Variants in AGL observed in about 807,000 individuals in gnomAD.
The protein encoded by AGL is glycogen debranching enzyme.
A neutral mutation model predicts 199.3 loss-of-function variants in AGL; 128 were observed. The observed-to-expected ratio is 0.64, with a 90% CI of 0.56 to 0.74. AGL has a LOEUF of 0.74. Among genes scored for constraint, AGL ranks in the 30% least tolerant of loss-of-function variants. The pLI is 0.00. For synonymous variants in AGL, 584 were observed against 594.7 expected (o/e 0.98, Z 0.26); for missense variants, 1,809 against 1,820.8 (o/e 0.99, Z 0.12).
chr1:99,875,347 A>G lies in AGL; in HGVS notation c.1186-11A>G. ...GATGGTGATGATCTAACACAATTTA[A>G]TGTTTTTCAGGCAGTTAATTGCCTT... On this transcript the variant is annotated splice_polypyrimidine_tract_variant and intron_variant, in intron 9 of 33. Coordinates refer to ENST00000361915, the MANE Select transcript of AGL (RefSeq NM_000642.3). 2.5e-6 allele frequency: 4 copies of G among 1,614,026 alleles called. No individual in the cohort carries two copies. In the South Asian group the frequency reaches 4.4e-5, roughly 18 times the overall value.
At position 99,855,529 on chromosome 1, in the gene AGL, G is replaced by A. The variant is rs553311061; in HGVS notation, c.82+4405G>A. Among the ~76,000 whole-genome samples, 191 of 152,224 alleles carry A rather than the reference G, an allele frequency of 1.3e-3. 1 individual carries two copies. Among genetic ancestry groups the A allele is most frequent in the Non-Finnish European group, 2.0e-3 (138 of 68,010 alleles). On this transcript the variant is annotated intron_variant, in intron 2 of 33. Transcript: ENST00000361915. ...TAATGAATAAAATCAGGCCGAGCAC[G>A]GTGGCTTACTCCTGTAATCCCGGCA...
Position 99,916,610 on chromosome 1 carries a change from C to A in AGL, c.4360C>A (p.Pro1454Thr). 6.2e-7 allele frequency: 1 copy of A among 1,612,888 alleles called. No individual in the cohort carries two copies. The highest frequency in any genetic ancestry group is 1.1e-5 in the South Asian group (1 of 91,044). Residue 1454 changes from proline (P) to threonine (T), a missense_variant, in exon 33 of 34, where the codon CCT becomes ACT. Coordinates refer to ENST00000361915, the MANE Select transcript of AGL (RefSeq NM_000642.3). ...TAATCTTTTTTAGGAGTGGCTGTGG[C>A]CTATTGGGTATTTTCTTCGTGCAAA... ...NYHQGPEWLW[P>T]IGYFLRAKLY...
chr1:99,875,179 T>C lies in AGL; in HGVS notation c.1108T>C (p.Cys370Arg). 1 of 1,614,148 alleles carries C rather than the reference T, an allele frequency of 6.2e-7. No individual in the cohort carries two copies. Among genetic ancestry groups the C allele is most frequent in the Non-Finnish European group, 8.5e-7 (1 of 1,179,992 alleles). Residue 370 changes from cysteine to arginine, a missense_variant, in exon 9 of 34, where the codon TGC (cysteine) becomes CGC (arginine). By Grantham distance (180) the Cys-to-Arg change is radical. Transcript: ENST00000361915. ...CAAGGGGCCAGCAGCAATTGAAGAA[T>C]GCTGTAATTGGTTTCATAAAAGAAT... is the stretch of plus-strand genomic sequence containing the variant. Reference protein sequence around the residue: ...HDKGPAAIEECCNWFHKRMEE... With the variant: ...HDKGPAAIEERCNWFHKRMEE...
At chr1:99,865,142 A>G (rs978172378) in intron 5 of AGL, among the ~76,000 whole-genome samples, 1 of 152,116 alleles carries the variant, frequency 6.6e-6, no homozygotes, top group Non-Finnish European at 1.5e-5. Flanking sequence ...CTCAGTTATC[A>G]GATAAAAAAA....
rs200459772 is a variant in AGL, at chr1:99,875,398, T to G, written c.1226T>G (p.Leu409Arg). Reference sequence around the variant, plus strand: ...TTGGGAAATGTGTTTTATGAACGACTGGCTGGCCATGGTCCAAAACTAGGA... The same window carrying G: ...TTGGGAAATGTGTTTTATGAACGACGGGCTGGCCATGGTCCAAAACTAGGA... The part of the protein sequence containing the change: ...CLLGNVFYER[L>R]AGHGPKLGPV... Residue 409 changes from leucine (L) to arginine (R), a missense_variant, in exon 10 of 34, where the codon CTG becomes CGG. Coordinates refer to ENST00000361915, the MANE Select transcript of AGL (RefSeq NM_000642.3). 3.3e-4 allele frequency: 532 copies of G among 1,614,070 alleles called. 1 individual carries two copies. Among genetic ancestry groups the G allele is most frequent in the Non-Finnish European group, 4.1e-4 (487 of 1,180,030 alleles).
At chr1:99,861,191 G>A (rs1650003520) in intron 2 of AGL, 1 of 1,221,398 alleles carries the variant, frequency 8.2e-7, no homozygotes, top group Non-Finnish European at 1.0e-6. Flanking sequence ...TGAGGATGGG[G>A]GATCATGGTA....
In AGL at chr1:99,864,437, C is replaced by T. The variant is rs760243154; in HGVS notation, c.512C>T (p.Ser171Leu). 1.9e-6 allele frequency: 3 copies of T among 1,613,748 alleles called. No homozygotes were observed. The highest frequency in any genetic ancestry group is 2.5e-6 in the Non-Finnish European group (3 of 1,179,900). Residue 171 changes from serine (S) to leucine (L), a missense_variant, in exon 5 of 34, where the codon TCA becomes TTA. By Grantham distance (145) the Ser-to-Leu change is moderately radical. Transcript: ENST00000361915. ...TTGCAGACTCTTGGACTATCTAGGT[C>T]ATGCTACTCCCTTGCCAATCAGTTA... Reference protein sequence around the residue: ...TPLQTLGLSRSCYSLANQLEL... With the variant: ...TPLQTLGLSRLCYSLANQLEL...
At chr1:99,857,844 GGGA>G (rs1159803241) in intron 2 of AGL, among the ~76,000 whole-genome samples, 50 of 132,232 alleles carry the variant, frequency 3.8e-4, no homozygotes, top group Non-Finnish European at 5.4e-4. Context: ...GAGGGGGAGG[GGGA>G]GGGGGGAAGA....
intron 2 of AGL, chr1:99,861,153 G>T: frequency 8.6e-7 from 1 of 1,157,058 alleles, no homozygotes; most frequent in Non-Finnish European, 1.1e-6. Flanking sequence ...CTCCTCAGAT[G>T]CCTGCCATTG....
intron 27 of AGL, among the ~76,000 whole-genome samples, chr1:99,907,242 A>G (rs1296906358): frequency 6.6e-6 from 1 of 152,110 alleles, no homozygotes; most frequent in African/African-American, 2.4e-5. Context: ...GAAGTTTCTT[A>G]TATATTCTGG....
chr1:99,881,479 T>G, intron 16 of AGL, 32 bp downstream of exon 16: 1 of 1,614,022 alleles, frequency 6.2e-7, no homozygotes. Context: ...TTCTTCAGGT[T>G]CAATTTCAGA....
At chr1:99,857,782 G>A (rs1280171891) in intron 2 of AGL, among the ~76,000 whole-genome samples, 1 of 146,598 alleles carries the variant, frequency 6.8e-6, no homozygotes, top group Non-Finnish European at 1.5e-5. Flanking sequence ...GCCTTGGCTC[G>A]GCATCAGAGG....
intron 7 of AGL, among the ~76,000 whole-genome samples, chr1:99,871,512 AT>A (rs1651013772): frequency 6.6e-6 from 1 of 151,318 alleles, no homozygotes. Flanking sequence ...GTCTATCTGC[AT>A]TTCATATAGG....
intron 2 of AGL, 56 bp downstream of exon 2, chr1:99,851,180 T>C: frequency 3.6e-6 from 5 of 1,404,812 alleles, no homozygotes; most frequent in Non-Finnish European, 5.1e-6. Flanking sequence ...TTTTAATTCA[T>C]TGGCAGTCCT....
rs1655548136 is a variant in AGL, at chr1:99,922,054, T to C, written c.*403T>C. On this transcript the variant is annotated 3_prime_UTR_variant, in exon 34 of 34. Transcript: ENST00000361915. ...ACAATACATACTGAATACGCTGTGGTTCATTAATATTAACACCACGTACTA... is the reference window on the plus strand; with the variant it reads ...ACAATACATACTGAATACGCTGTGGCTCATTAATATTAACACCACGTACTA... The C allele has an allele frequency of 6.2e-6, 1 of 160,840 alleles. No homozygotes were observed. Among genetic ancestry groups the C allele is most frequent in the Non-Finnish European group, 1.4e-5 (1 of 73,056 alleles). 10.0% of individuals were successfully genotyped at this position (160,840 alleles called of 1,614,324 possible). A position where few individuals can be genotyped will look rare whatever the true frequency, so the allele number is the denominator to read the frequency against.
At position 99,881,613 on chromosome 1, in the gene AGL, G is replaced by T. The variant is rs1557764599; in HGVS notation, c.2230G>T (p.Val744Leu). The T allele has an allele frequency of 6.2e-7, 1 of 1,613,998 alleles. No homozygotes were observed. The change falls in exon 17 of 34, where the codon GTG becomes TTG. Residue 744 changes from valine (V) to leucine (L), a missense_variant. Coordinates refer to ENST00000361915, the MANE Select transcript of AGL (RefSeq NM_000642.3). ...CTCACCTAGCATCCATCAGTCTGTT[G>T]TGGCTGTATCTAGAACTGCTTTCAG... The part of the protein sequence containing the change: ...RHSPSIHQSV[V>L]AVSRTAFRNP...
At position 99,879,939 on chromosome 1, in the gene AGL, C is replaced by G. The variant is rs1179941705; in HGVS notation, c.1628C>G (p.Ala543Gly). 6 of 1,613,292 alleles carry G rather than the reference C, an allele frequency of 3.7e-6. No individual in the cohort carries two copies. The highest frequency in any genetic ancestry group is 5.1e-6 in the Non-Finnish European group (6 of 1,179,512). ...LHVAEYMLDA[A>G]RNLQPNLYVV... ...TTTTTACAGTACATGTTGGATGCTG[C>G]TAGGAATTTGCAACCCAATTTATAT... Residue 543 changes from alanine to glycine, a missense_variant, in exon 13 of 34, where the codon GCT (alanine) becomes GGT (glycine). Ala to Gly is a moderately conservative substitution (Grantham distance 60). Transcript: ENST00000361915.
At chr1:99,869,187 A>G (rs1035108521) in intron 5 of AGL, among the ~76,000 whole-genome samples, 2 of 152,154 alleles carry the variant, frequency 1.3e-5, no homozygotes, top group African/African-American at 4.8e-5. Context: ...ACATTTTGTC[A>G]TTTTGAAAAA....
Position 99,862,417 on chromosome 1 carries a change from G to A in AGL, c.454G>A (p.Glu152Lys). The change falls in exon 4 of 34, where the codon GAA (glutamate) becomes AAA (lysine). Residue 152 changes from glutamate to lysine, a missense_variant. Physicochemically the swap from Glu to Lys is moderately conservative, Grantham distance 56. Coordinates refer to ENST00000361915, the MANE Select transcript of AGL (RefSeq NM_000642.3). ...EWESRLRVAK[E>K]SGYNMIHFTP... ...GGAAAGCAGACTTAGGGTTGCAAAA[G>A]AATCAGGTAATGTCAGCTTGCTTTC... 6.2e-7 allele frequency: 1 copy of A among 1,614,032 alleles called. No individual in the cohort carries two copies. Among genetic ancestry groups the A allele is most frequent in the Non-Finnish European group, 8.5e-7 (1 of 1,179,956 alleles).
Sources: allele counts gnomAD v4.1 joint callset (sites outside exome capture counted in the v4.1 genomes callset), GRCh38; gene constraint gnomAD v4.1.1; transcripts MANE v1.5; gene names NCBI Gene and HGNC (gene_info 2026-07-23, HGNC 2026-07-21).